Variants in PTPN13 observed in about 807,000 individuals in gnomAD.
PTPN13 encodes the protein tyrosine-protein phosphatase non-receptor type 13.
Under a neutral mutation model 284.0 loss-of-function variants are expected in PTPN13, and 191 were observed. That is an observed-to-expected ratio of 0.67 (90% CI 0.60 to 0.76). The LOEUF is 0.76. PTPN13 is among the 30% of genes least tolerant of loss of function. The pLI is 0.00. For synonymous variants in PTPN13, 986 were observed against 1,022.3 expected, an observed-to-expected ratio of 0.96 and a Z score of 0.68; for missense variants, 2,797 against 2,939.9, an observed-to-expected ratio of 0.95 and a Z score of 1.12.
chr4:86,601,368 A>G (rs1764281320), intron 1 of PTPN13, among the ~76,000 whole-genome samples: 1 of 152,076 alleles, frequency 6.6e-6, no homozygotes, highest in South Asian at 2.1e-4. Context: ...GAAAAACAGG[A>G]TATGTGTTAT....
intron 23 of PTPN13, among the ~76,000 whole-genome samples, chr4:86,760,204 A>G (rs572871109): frequency 1.3e-5 from 2 of 152,330 alleles, no homozygotes; most frequent in African/African-American, 4.8e-5. Context: ...AATCGATAGA[A>G]GGGAAATAGA....
chr4:86,808,972 C>A (rs1220840289), intron 45 of PTPN13, among the ~76,000 whole-genome samples: 3 of 152,002 alleles, frequency 2.0e-5, no homozygotes, highest in African/African-American at 4.8e-5. Flanking sequence ...TTGAGTGAGC[C>A]ATGGAGGGAA....
At chr4:86,629,339 A>G (rs907632905) in intron 1 of PTPN13, among the ~76,000 whole-genome samples, 15 of 148,748 alleles carry the variant, frequency 1.0e-4, no homozygotes, top group Admixed American at 5.4e-4. Flanking sequence ...CAAAAAACAC[A>G]TGAAGAAATG....
chr4:86,809,969 C>T lies in PTPN13; in HGVS notation c.7284C>T (p.Ile2428=). The T allele has an allele frequency of 1.2e-6, 2 of 1,613,780 alleles. No homozygotes were observed. The highest frequency in any genetic ancestry group is 1.7e-6 in the Non-Finnish European group (2 of 1,179,766). Residue 2428 remains isoleucine, a synonymous_variant, in exon 46 of 48, where the codon ATC becomes ATT. Coordinates refer to ENST00000411767, the MANE Select transcript of PTPN13 (RefSeq NM_080683.3). ...GCATAGATGTGGTTCTGGGATTAAT[C>T]AGTCAGGATCTTGATGTGAGTACAA... The part of the protein sequence containing the change: ...LICIDVVLGL[I]SQDLDFDISD...
intron 42 of PTPN13, among the ~76,000 whole-genome samples, chr4:86,799,902 A>G (rs1172387081): frequency 3.5e-5 from 5 of 144,384 alleles, no homozygotes; most frequent in Non-Finnish European, 7.5e-5. Flanking sequence ...CAGTGGCACA[A>G]TCTTGGCTCA....
intron 2 of PTPN13, among the ~76,000 whole-genome samples, chr4:86,655,116 A>G (rs1465178381): frequency 6.6e-6 from 1 of 151,766 alleles, no homozygotes; most frequent in Non-Finnish European, 1.5e-5. Flanking sequence ...GCGTCCCTTT[A>G]TTTTGAGCCC....
intron 35 of PTPN13, among the ~76,000 whole-genome samples, chr4:86,777,179 C>T (rs1286955214): frequency 1.3e-5 from 2 of 152,098 alleles, no homozygotes; most frequent in East Asian, 1.9e-4. Context: ...ATTATATTAA[C>T]GTTCTGAAGG....
At position 86,716,589 on chromosome 4, in the gene PTPN13, C is replaced by G; in HGVS notation, c.1255C>G (p.Pro419Ala). The G allele has an allele frequency of 6.3e-7, 1 of 1,599,050 alleles. No individual in the cohort carries two copies. Among genetic ancestry groups the G allele is most frequent in the South Asian group, 1.1e-5 (1 of 88,110 alleles). Residue 419 changes from proline to alanine, a missense_variant, in exon 8 of 48, where the codon CCA (proline) becomes GCA (alanine). Physicochemically the swap from Pro to Ala is conservative, Grantham distance 27. Coordinates refer to ENST00000411767, the MANE Select transcript of PTPN13 (RefSeq NM_080683.3). The part of the protein sequence containing the change: ...GDVFSTSSES[P>A]SIISSESDFR... ...TGTCTTTAGTACCTCCAGTGAAAGT[C>G]CATCTATTATTTCCTCTGAATCAGA...
chr4:86,625,085 C>T (rs1016475739), intron 1 of PTPN13, among the ~76,000 whole-genome samples: 23 of 152,114 alleles, frequency 1.5e-4, no homozygotes, highest in Admixed American at 1.3e-4. Flanking sequence ...GCTCCTTTCC[C>T]TTTGACTTCA....
Position 86,784,521 on chromosome 4 carries a change from T to C in PTPN13, c.6081T>C (p.Tyr2027=). 7.5e-6 allele frequency: 12 copies of C among 1,609,532 alleles called. No homozygotes were observed. Among genetic ancestry groups the C allele is most frequent in the Non-Finnish European group, 1.0e-5 (12 of 1,178,338 alleles). The stretch of plus-strand genomic sequence containing the variant: ...ACCCCAAAGGAAAATGTTCTACTTA[T>C]CAGATAAAGGGATCACCAAACTTGA... ...ISYPKGKCST[Y]QIKGSPNLTL... The change falls in exon 38 of 48, where the codon TAT becomes TAC. Residue 2027 remains tyrosine (Y), a synonymous_variant. Transcript: ENST00000411767.
At chr4:86,628,262 A>G (rs544488224) in intron 1 of PTPN13, among the ~76,000 whole-genome samples, 1 of 152,058 alleles carries the variant, frequency 6.6e-6, no homozygotes, top group Non-Finnish European at 1.5e-5. Context: ...TTTTAATTTT[A>G]GATATCCTCA....
intron 9 of PTPN13, 81 bp downstream of exon 9, chr4:86,717,198 T>C: frequency 9.2e-7 from 1 of 1,083,780 alleles, no homozygotes; most frequent in Non-Finnish European, 1.3e-6. Flanking sequence ...AATTTTTTTT[T>C]TTTTTTTTGA....
At chr4:86,632,401 C>T (rs1048264518) in intron 1 of PTPN13, among the ~76,000 whole-genome samples, 1 of 152,098 alleles carries the variant, frequency 6.6e-6, no homozygotes, top group African/African-American at 2.4e-5. Context: ...TTCCCACACT[C>T]CTGTTGTGAA....
At chr4:86,764,784 A>G in intron 25 of PTPN13, 60 bp downstream of exon 25, 2 of 1,526,806 alleles carry the variant, frequency 1.3e-6, no homozygotes, top group Non-Finnish European at 1.7e-6. Context: ...AGCCTATTGT[A>G]TGTCAACTTT....
intron 40 of PTPN13, among the ~76,000 whole-genome samples, chr4:86,791,961 C>T (rs752591401): frequency 3.3e-5 from 5 of 152,070 alleles, no homozygotes; most frequent in Non-Finnish European, 7.4e-5. Context: ...TCCAAAGGAT[C>T]GCAGCTCCTT....
In PTPN13 at chr4:86,694,579, C is replaced by CAAAAA. The variant is rs1000226646; in HGVS notation, c.634+926_634+930dup. On this transcript the variant is annotated intron_variant, in intron 6 of 47. Transcript: ENST00000411767. ...GGCAACAAAGAGTGAACTTCTGTCT[C>CAAAAA]AAAAAAAAAAAAAAAAAAAAAAAAA... Among the ~76,000 whole-genome samples the CAAAAA allele has an allele frequency of 2.2e-3, 70 of 32,170 alleles. 2 individuals carry two copies. Among genetic ancestry groups the CAAAAA allele is most frequent in the African/African-American group, 6.0e-3 (51 of 8,436 alleles). 21.1% of individuals were successfully genotyped at this position (32,170 alleles called of 152,430 possible).
intron 2 of PTPN13, among the ~76,000 whole-genome samples, chr4:86,652,340 A>G (rs1056396247): frequency 3.3e-5 from 5 of 152,134 alleles, no homozygotes; most frequent in African/African-American, 1.2e-4. Context: ...TTTTTTATGT[A>G]CTTATTATCA....
Position 86,744,971 on chromosome 4 carries a change from G to T in PTPN13, c.2493G>T (p.Lys831Asn). ...ACCCTTGGTTAATATTGTAGAAAAA[G>T]AAAATCACATTGCAAAATACATCAG... ...RETKKISFSK[K>N]KITLQNTSDG... The change falls in exon 17 of 48, where the codon AAG (lysine) becomes AAT (asparagine). Residue 831 changes from lysine (K) to asparagine (N), a missense_variant. Transcript: ENST00000411767. 6.4e-7 allele frequency: 1 copy of T among 1,561,000 alleles called. No individual in the cohort carries two copies. Among genetic ancestry groups the T allele is most frequent in the East Asian group, 2.4e-5 (1 of 42,336 alleles).
intron 31 of PTPN13, among the ~76,000 whole-genome samples, chr4:86,772,456 C>T (rs1388213453): frequency 1.3e-5 from 2 of 151,916 alleles, no homozygotes; most frequent in East Asian, 1.9e-4. Flanking sequence ...TGGGTGGCTG[C>T]GGCAGGAGAA....
Sources: gnomAD v4.1 joint callset for allele counts (sites outside exome capture counted in the v4.1 genomes callset) on GRCh38, gnomAD v4.1.1 for gene constraint, MANE v1.5 for transcripts, NCBI Gene and HGNC (gene_info 2026-07-23, HGNC 2026-07-21) for gene names.